Variants in SACS observed in about 807,000 individuals in gnomAD.
SACS encodes sacsin molecular chaperone, also known as sacsin.
In SACS, 197 loss-of-function variants were observed where a neutral mutation model predicts 348.0. That is an observed-to-expected ratio of 0.57 (90% confidence interval 0.50 to 0.64). SACS has a LOEUF of 0.64. Among genes scored for constraint, SACS ranks in the 30% least tolerant of loss-of-function variants. SACS has a pLI of 0.00. For synonymous variants in SACS, 1,985 were observed against 1,910.6 expected, an observed-to-expected ratio of 1.04 and a Z score of -1.02; for missense variants, 4,999 against 5,360.8, an observed-to-expected ratio of 0.93 and a Z score of 2.11.
rs770677319 is a variant in SACS at position 23,355,315 on chromosome 13, C to G, written c.1297G>C (p.Ala433Pro). 59 of 1,613,978 alleles carry G rather than the reference C, an allele frequency of 3.7e-5. No individual in the cohort carries two copies. The highest frequency in any genetic ancestry group is 4.7e-5 in the Non-Finnish European group (55 of 1,180,042). The change falls in exon 8 of 10, where the codon GCA becomes CCA. Residue 433 changes from alanine (A) to proline (P), a missense_variant. Ala to Pro is a conservative substitution (Grantham distance 27). Coordinates refer to ENST00000382292, the MANE Select transcript of SACS (RefSeq NM_014363.6). The stretch of plus-strand genomic sequence containing the variant: ...GAGAAATCAGACGTTGCTCCTTTTG[C>G]TTCATCATCTCTGCTTGATAAAGGC... ...AMPLSSRDDE[A>P]KGATSDFSGK...
At chr13:23,358,221 G>T (rs757668634) in intron 7 of SACS, 114 bp downstream of exon 7, 34 of 1,110,422 alleles carry the variant, frequency 3.1e-5, no homozygotes, top group East Asian at 7.1e-5. Context: ...ACTGACAGAA[G>T]AATTTGGGTA....
chr13:23,371,649 T>A (rs971807065), intron 3 of SACS, among the ~76,000 whole-genome samples: 1 of 152,242 alleles, frequency 6.6e-6, no homozygotes, highest in Non-Finnish European at 1.5e-5. Flanking sequence ...TAAAAACAAC[T>A]GAATGTAAAC....
rs752220744 is a variant in SACS at position 23,341,218 on chromosome 13, C to T, written c.2658G>A (p.Gln886=). The T allele has an allele frequency of 8.1e-6, 13 of 1,613,982 alleles. No individual in the cohort carries two copies. The highest frequency in any genetic ancestry group is 1.1e-5 in the Non-Finnish European group (13 of 1,180,014). The change falls in exon 10 of 10, where the codon CAG becomes CAA. Residue 886 remains glutamine (Q), a synonymous_variant. Coordinates refer to ENST00000382292, the MANE Select transcript of SACS (RefSeq NM_014363.6). ...GCGAAGTTATTTGATTACACAATTT[C>T]TGCAATGGCATCTTCTCCATTATCT... The part of the protein sequence containing the change: ...VLQIMEKMPL[Q]KLCNQITSLL...
chr13:23,409,080 T>C (rs1873371170), intron 2 of SACS, among the ~76,000 whole-genome samples: 1 of 127,202 alleles, frequency 7.9e-6, no homozygotes, highest in Non-Finnish European at 1.6e-5. Context: ...TGAGACGGAG[T>C]CTTCCTGTGT....
chr13:23,337,388 A>G lies in SACS; in HGVS notation c.6488T>C (p.Met2163Thr), dbSNP rs1357894232. The G allele has an allele frequency of 1.2e-6, 2 of 1,613,462 alleles. No homozygotes were observed. Among genetic ancestry groups the G allele is most frequent in the South Asian group, 2.2e-5 (2 of 90,892 alleles). The change falls in exon 10 of 10, where the codon ATG becomes ACG. Residue 2163 changes from methionine (M) to threonine (T), a missense_variant. This residue lies in a region of SACS where 3,156 missense variants were observed against 3,380.1 expected (regional missense o/e 0.93). Coordinates refer to ENST00000382292, the MANE Select transcript of SACS (RefSeq NM_014363.6). ...MAKDDILWDD[M>T]LERAVSVAEI... Reference sequence around the variant, plus strand: ...AGCTACTGACACTGCACGTTCTAGCATATCATCCCATAAAATATCATCTTT... The same window carrying G: ...AGCTACTGACACTGCACGTTCTAGCGTATCATCCCATAAAATATCATCTTT...
chr13:23,424,582 A>T (rs1412281307), intron 1 of SACS, among the ~76,000 whole-genome samples: 1 of 151,972 alleles, frequency 6.6e-6, no homozygotes, highest in Non-Finnish European at 1.5e-5. Context: ...ATAGATTTTC[A>T]GCCCTAATAA....
At chr13:23,403,143 A>ACT (rs1873056604) in intron 2 of SACS, among the ~76,000 whole-genome samples, 1 of 151,364 alleles carries the variant, frequency 6.6e-6, no homozygotes, top group South Asian at 2.1e-4. Context: ...ACACCACTGC[A>ACT]CTCTAGCCTG....
intron 2 of SACS, among the ~76,000 whole-genome samples, chr13:23,385,063 C>T (rs1224528426): frequency 6.6e-6 from 1 of 151,726 alleles, no homozygotes; most frequent in Admixed American, 6.6e-5. Context: ...AGATCGAGAA[C>T]ATCCTGGCTA....
At chr13:23,427,091 C>T (rs1461163321) in intron 1 of SACS, 3 of 152,178 alleles carry the variant, frequency 2.0e-5, no homozygotes, top group African/African-American at 7.2e-5. Context: ...CAACTTTCCT[C>T]ATCCCTAAAC....
At position 23,337,493 on chromosome 13, in the gene SACS, T is replaced by A. The variant is rs762352013; in HGVS notation, c.6383A>T (p.Asp2128Val). Residue 2128 changes from aspartate (D) to valine (V), a missense_variant, in exon 10 of 10, where the codon GAT becomes GTT. Physicochemically the swap from Asp to Val is radical, Grantham distance 152 (BLOSUM62 -3). Transcript: ENST00000382292. The part of the protein sequence containing the change: ...GRVAKLFDIK[D>V]GRFPYGSTQD... ...AGTAGAACCATAAGGGAATCTCCCA[T>A]CTTTAATATCAAATAACTTTGCAAC... is the stretch of plus-strand genomic sequence containing the variant. 2 of 1,613,886 alleles carry A rather than the reference T, an allele frequency of 1.2e-6. No homozygotes were observed. The highest frequency in any genetic ancestry group is 4.5e-5 in the East Asian group (2 of 44,872).
intron 9 of SACS, among the ~76,000 whole-genome samples, chr13:23,350,360 G>A (rs1302795447): frequency 6.6e-6 from 1 of 152,172 alleles, no homozygotes; most frequent in African/African-American, 2.4e-5. Flanking sequence ...GTGGAGGTCT[G>A]TTTTGTTTTT....
At chr13:23,383,751 A>G (rs1352497675) in intron 2 of SACS, among the ~76,000 whole-genome samples, 1 of 151,970 alleles carries the variant, frequency 6.6e-6, no homozygotes, top group African/African-American at 2.4e-5. Context: ...CTCCTTTCTT[A>G]CTCTCTCTGA....
intron 1 of SACS, chr13:23,419,155 G>A (rs1873811222): frequency 6.6e-6 from 1 of 152,518 alleles, no homozygotes; most frequent in Non-Finnish European, 1.5e-5. Context: ...GGGCAGCTCC[G>A]CCAGGGAACC....
chr13:23,399,037 A>AAAAAAAAAAAAAAAAAAAAAAAAAAAAC (rs55848856), intron 2 of SACS, among the ~76,000 whole-genome samples: 4 of 149,862 alleles, frequency 2.7e-5, no homozygotes, highest in African/African-American at 9.9e-5. Context: ...AAAAAAAAAA[A>AAAAAAAAAAAAAAAAAAAAAAAAAAAAC]CATGGATGCC....
chr13:23,361,520 T>TA (rs1334316878), intron 6 of SACS, among the ~76,000 whole-genome samples: 1 of 152,144 alleles, frequency 6.6e-6, no homozygotes, highest in Non-Finnish European at 1.5e-5. Context: ...CTCACGCCTG[T>TA]AATCCAAGCA....
chr13:23,418,202 A>G (rs145721830), intron 1 of SACS, among the ~76,000 whole-genome samples: 7 of 152,328 alleles, frequency 4.6e-5, no homozygotes, highest in African/African-American at 1.7e-4. Flanking sequence ...AACTCTTGAA[A>G]ATAAAAAAAG....
Position 23,405,952 on chromosome 13 carries a change from A to T in SACS, c.20+5268T>A, listed in dbSNP as rs150937659. ...TACACTGTTGGTGGGAGTGTAAATTAGTTCAACCATTGTGGAAGACAGTGT... is the reference window on the plus strand; with the variant it reads ...TACACTGTTGGTGGGAGTGTAAATTTGTTCAACCATTGTGGAAGACAGTGT... On this transcript the variant is annotated intron_variant, in intron 2 of 9. Coordinates refer to ENST00000382292, the MANE Select transcript of SACS (RefSeq NM_014363.6). Among the ~76,000 whole-genome samples, 984 of 152,362 alleles carry T rather than the reference A, an allele frequency of 6.5e-3. 14 individuals are homozygous for T. The highest frequency in any genetic ancestry group is 0.023 in the African/African-American group (953 of 41,586).
chr13:23,419,533 A>G (rs565890454), intron 1 of SACS, among the ~76,000 whole-genome samples: 1 of 151,826 alleles, frequency 6.6e-6, no homozygotes, highest in East Asian at 1.9e-4. Context: ...CGGGCGTGTT[A>G]TGTCTCCATG....
At chr13:23,413,206 A>T (rs1462248435) in intron 1 of SACS, among the ~76,000 whole-genome samples, 1 of 152,110 alleles carries the variant, frequency 6.6e-6, no homozygotes, top group Non-Finnish European at 1.5e-5. Context: ...TTGAACTCTC[A>T]ATCTCAGGTG....
Sources: allele counts gnomAD v4.1 joint callset (sites outside exome capture counted in the v4.1 genomes callset), GRCh38; gene constraint gnomAD v4.1.1; regional missense constraint gnomAD v4.1.1; transcripts MANE v1.5; gene names NCBI Gene and HGNC (gene_info 2026-07-23, HGNC 2026-07-21).